Variants in NEGR1 observed in about 807,000 individuals in gnomAD.
NEGR1 encodes neuronal growth regulator 1.
A neutral mutation model predicts 40.9 loss-of-function variants in NEGR1; 10 were observed. That is an observed-to-expected ratio of 0.24 (90% CI 0.15 to 0.42). The LOEUF (loss-of-function observed/expected upper bound fraction) is 0.42. Ranked by LOEUF, NEGR1 falls within the 10% of genes least tolerant of loss-of-function variation. NEGR1 has a pLI of 1.00. For missense variants in NEGR1, 352 were observed against 438.9 expected (o/e 0.80, Z 1.77); for synonymous variants, 185 against 166.8 (o/e 1.11, Z -0.84).
intron 3 of NEGR1, among the ~76,000 whole-genome samples, chr1:71,723,945 T>C (rs992445910): frequency 2.6e-5 from 4 of 152,022 alleles, no homozygotes; most frequent in Non-Finnish European, 5.9e-5. Context: ...GTTCAAGAAG[T>C]ATCATTGGAA....
intron 2 of NEGR1, among the ~76,000 whole-genome samples, chr1:71,923,856 C>T (rs1247851283): frequency 1.3e-5 from 2 of 152,134 alleles, no homozygotes; most frequent in African/African-American, 4.8e-5. Context: ...TTTTAAGGTC[C>T]CATGTGATTT....
At chr1:71,585,449 C>T (rs1042387482) in intron 6 of NEGR1, among the ~76,000 whole-genome samples, 1 of 151,990 alleles carries the variant, frequency 6.6e-6, no homozygotes. Flanking sequence ...AAATTGGAAA[C>T]TCTAATTTAT....
At chr1:72,209,426 C>G (rs916068907) in intron 1 of NEGR1, among the ~76,000 whole-genome samples, 18 of 151,620 alleles carry the variant, frequency 1.2e-4, no homozygotes, top group African/African-American at 3.9e-4. Context: ...CTTGATTTCT[C>G]TCTTCCTTCC....
chr1:71,536,516 T>C (rs578118077), intron 6 of NEGR1, among the ~76,000 whole-genome samples: 2 of 151,874 alleles, frequency 1.3e-5, no homozygotes, highest in African/African-American at 2.4e-5. Context: ...GCTGGTACCA[T>C]GCTTCTTGCA....
rs550863430 is a variant in NEGR1 at position 71,887,801 on chromosome 1, T to G, written c.409+47278A>C. ...CCCAATTTTTGCTCCATACTTTCTCTTTGTTATTAAAGGATAAGCAATATA... is the reference window on the plus strand; with the variant it reads ...CCCAATTTTTGCTCCATACTTTCTCGTTGTTATTAAAGGATAAGCAATATA... On this transcript the variant is annotated intron_variant, in intron 2 of 6. Transcript: ENST00000357731. Among the ~76,000 whole-genome samples the G allele has an allele frequency of 8.5e-5, 13 of 152,272 alleles. No individual in the cohort carries two copies. The South Asian group carries it at 1.5e-3, about 17-fold the overall frequency.
chr1:71,493,340 A>G (rs929438173), intron 6 of NEGR1, among the ~76,000 whole-genome samples: 1 of 152,112 alleles, frequency 6.6e-6, no homozygotes, highest in Non-Finnish European at 1.5e-5. Context: ...TCTACTATCC[A>G]AATACTTATT....
chr1:72,058,732 A>C (rs2100489993), intron 1 of NEGR1, among the ~76,000 whole-genome samples: 1 of 151,774 alleles, frequency 6.6e-6, no homozygotes, highest in East Asian at 1.9e-4. Flanking sequence ...ATCGCTGTGA[A>C]AAAAATCAAT....
rs1646257164 is a variant in NEGR1, at chr1:71,403,220, A to C, written c.*4226T>G. On this transcript the variant is annotated 3_prime_UTR_variant, in exon 7 of 7. Transcript: ENST00000357731. ...TTATGGTTTGGTATTTACAAACTAA[A>C]GGTTCTCAGCCAAATAACGTGTTTT... The C allele has an allele frequency of 6.6e-6, 1 of 152,090 alleles. No homozygotes were observed. The highest frequency in any genetic ancestry group is 1.5e-5 in the Non-Finnish European group (1 of 67,952). 9.4% of individuals were successfully genotyped at this position (152,090 alleles called of 1,614,324 possible).
chr1:71,874,858 T>C (rs1440419111), intron 2 of NEGR1, among the ~76,000 whole-genome samples: 1 of 152,156 alleles, frequency 6.6e-6, no homozygotes, highest in Non-Finnish European at 1.5e-5. Context: ...TTTCTTTTCT[T>C]TTTGAGACAG....
At chr1:72,099,777 C>T (rs2220253) in intron 1 of NEGR1, among the ~76,000 whole-genome samples, 83,407 of 151,604 alleles carry the variant, frequency 0.55, 23,760 homozygotes, top group African/African-American at 0.71. Context: ...ACATGTTCTA[C>T]ATAAATTTAT....
intron 2 of NEGR1, among the ~76,000 whole-genome samples, chr1:71,835,888 C>T (rs1457256723): frequency 7.9e-5 from 12 of 152,060 alleles, no homozygotes; most frequent in Admixed American, 7.9e-4. Context: ...AGATTGTACA[C>T]TATATATATG....
At chr1:71,846,562 A>G (rs1043312555) in intron 2 of NEGR1, among the ~76,000 whole-genome samples, 1 of 152,206 alleles carries the variant, frequency 6.6e-6, no homozygotes, top group Non-Finnish European at 1.5e-5. Context: ...TGAAGAACCC[A>G]GAAATTCCAC....
chr1:72,184,354 C>A (rs896890428), intron 1 of NEGR1, among the ~76,000 whole-genome samples: 1 of 151,924 alleles, frequency 6.6e-6, no homozygotes, highest in Non-Finnish European at 1.5e-5. Flanking sequence ...AAAGACATTT[C>A]GCAAAGGAGG....
chr1:71,512,284 A>C (rs11209791), intron 6 of NEGR1, among the ~76,000 whole-genome samples: 6,110 of 152,236 alleles, frequency 0.04, 397 homozygotes, highest in African/African-American at 0.14. Flanking sequence ...ACTTAAAAGT[A>C]TATAAATTAA....
intron 2 of NEGR1, among the ~76,000 whole-genome samples, chr1:71,864,223 C>T (rs566053010): frequency 6.6e-6 from 1 of 152,244 alleles, no homozygotes; most frequent in Non-Finnish European, 1.5e-5. Flanking sequence ...GCTAAGTGAT[C>T]TGCAGTTGTT....
chr1:71,605,754 A>G (rs1490456715), intron 5 of NEGR1, among the ~76,000 whole-genome samples: 4 of 152,238 alleles, frequency 2.6e-5, no homozygotes, highest in African/African-American at 4.8e-5. Context: ...CAAGGCTTAA[A>G]TAAATACATA....
chr1:72,097,288 G>T (rs1041921214), intron 1 of NEGR1, among the ~76,000 whole-genome samples: 1 of 152,124 alleles, frequency 6.6e-6, no homozygotes, highest in Non-Finnish European at 1.5e-5. Flanking sequence ...TTTTAAGGTT[G>T]TTGTGAAGAT....
At chr1:71,909,852 A>C (rs1280206363) in intron 2 of NEGR1, among the ~76,000 whole-genome samples, 1 of 152,232 alleles carries the variant, frequency 6.6e-6, no homozygotes, top group Non-Finnish European at 1.5e-5. Context: ...AAAAGATAGC[A>C]AATATTACAT....
intron 2 of NEGR1, chr1:71,798,044 T>C (rs566373438): frequency 1.3e-5 from 2 of 152,130 alleles, no homozygotes; most frequent in African/African-American, 4.8e-5. Context: ...ATGGCAGATA[T>C]TAAAGGACAC....
Sources: gnomAD v4.1 joint callset for allele counts (sites outside exome capture counted in the v4.1 genomes callset) on GRCh38, gnomAD v4.1.1 for gene constraint, MANE v1.5 for transcripts, NCBI Gene and HGNC (gene_info 2026-07-23, HGNC 2026-07-21) for gene names.